Variants in ITPA observed in about 807,000 individuals in gnomAD.
ITPA encodes inosine triphosphate pyrophosphatase.
Under a neutral mutation model 29.6 loss-of-function variants are expected in ITPA, and 29 were observed. The observed-to-expected ratio is 0.98, with a 90% CI of 0.73 to 1.34. The LOEUF (loss-of-function observed/expected upper bound fraction) is 1.34. Ranked by LOEUF, ITPA falls within the 40% of genes most tolerant of loss-of-function variation. ITPA has a pLI of 0.00. For missense variants in ITPA, 241 were observed against 251.5 expected (o/e 0.96, Z 0.28); for synonymous variants, 103 against 99.3 (o/e 1.04, Z -0.22).
At chr20:3,208,955 T>A (rs1178858510), upstream of ITPA, 2 of 154,686 alleles carry the variant, frequency 1.3e-5, no homozygotes, top group Non-Finnish European at 1.4e-5. Flanking sequence ...GGAGAAGGGG[T>A]GATAGATTTG....
At chr20:3,204,382 C>T (rs752192344), upstream of ITPA, among the ~76,000 whole-genome samples, 6 of 152,102 alleles carry the variant, frequency 3.9e-5, no homozygotes, top group South Asian at 8.3e-4. Flanking sequence ...TAGGGCACTG[C>T]GGAAGCCCCA....
At chr20:3,220,611 T>C (rs1442101120) in intron 6 of ITPA, among the ~76,000 whole-genome samples, 1 of 151,946 alleles carries the variant, frequency 6.6e-6, no homozygotes, top group Non-Finnish European at 1.5e-5. Context: ...TGTAGTGGCA[T>C]GACTACCGTT....
intron 5 of ITPA, among the ~76,000 whole-genome samples, chr20:3,217,923 T>G (rs2067347626): frequency 1.4e-5 from 2 of 140,238 alleles, no homozygotes; most frequent in African/African-American, 5.1e-5. Context: ...TTTGTTTTTG[T>G]TTTTTCTTTC....
chr20:3,218,380 C>T, intron 5 of ITPA, 137 bp from the exon 6 acceptor site: 1 of 713,028 alleles, frequency 1.4e-6, no homozygotes, highest in South Asian at 1.5e-5. Context: ...TTGGGCTCTG[C>T]CGCCCCCGCT....
At chr20:3,212,028 A>C (rs937693652) in intron 1 of ITPA, among the ~76,000 whole-genome samples, 4 of 152,076 alleles carry the variant, frequency 2.6e-5, no homozygotes, top group Admixed American at 6.6e-5. Flanking sequence ...TCTACAAATA[A>C]TTAGCCTAAG....
Position 3,218,641 on chromosome 20 carries a change from C to G in ITPA, c.411+9C>G. 6.2e-7 allele frequency: 1 copy of G among 1,600,608 alleles called. No individual in the cohort carries two copies. The highest frequency in any genetic ancestry group is 8.6e-7 in the Non-Finnish European group (1 of 1,168,540). On this transcript the variant is annotated intron_variant, in intron 6 of 7. Transcript: ENST00000380113. ...TCAGGGGCCGGACCTCGGTGCGTAC[C>G]CACCTTGATGCAGTTCCCGCCGCGC...
At chr20:3,206,767 C>G (rs371580023), upstream of ITPA, among the ~76,000 whole-genome samples, 12 of 150,420 alleles carry the variant, frequency 8.0e-5, no homozygotes, top group East Asian at 9.9e-4. Flanking sequence ...GGAGGCGGAG[C>G]TTGCAGTGAG....
At position 3,218,625 on chromosome 20, in the gene ITPA, G is replaced by T; in HGVS notation, c.404G>T (p.Arg135Leu). Residue 135 changes from arginine to leucine, a missense_variant, in exon 6 of 8, where the codon CGG becomes CTG. Arg to Leu is a moderately radical substitution (Grantham distance 102). Transcript: ENST00000380113. ...CAGCCCGTGCGCCTGTTCAGGGGCC[G>T]GACCTCGGTGCGTACCCACCTTGAT... ...PSQPVRLFRG[R>L]TSGRIVAPRG... 1 of 1,610,656 alleles carries T rather than the reference G, an allele frequency of 6.2e-7. No homozygotes were observed. The highest frequency in any genetic ancestry group is 8.5e-7 in the Non-Finnish European group (1 of 1,177,354).
chr20:3,205,012 G>C (rs769062046), upstream of ITPA, among the ~76,000 whole-genome samples: 1 of 152,000 alleles, frequency 6.6e-6, no homozygotes, highest in African/African-American at 2.4e-5. Context: ...CACCACGCCC[G>C]GCTAATTTTT....
At chr20:3,208,089 A>C (rs532511952), upstream of ITPA, among the ~76,000 whole-genome samples, 1 of 152,068 alleles carries the variant, frequency 6.6e-6, no homozygotes, top group Non-Finnish European at 1.5e-5. Flanking sequence ...AATCACACAA[A>C]TGAATATCTA....
chr20:3,204,489 G>A (rs182122934), upstream of ITPA: 31 of 1,525,508 alleles, frequency 2.0e-5, no homozygotes, highest in African/African-American at 4.1e-5. Flanking sequence ...AGGCTCAGAA[G>A]GCCAGAAAAC....
At chr20:3,218,482 T>C (rs760366231) in intron 5 of ITPA, 35 bp from the exon 6 acceptor site, 1 of 1,453,846 alleles carries the variant, frequency 6.9e-7, no homozygotes, top group Admixed American at 1.7e-5. Flanking sequence ...AGTTGGCCAT[T>C]AGGGATGCAC....
At chr20:3,210,790 C>T (rs2067152501) in intron 1 of ITPA, among the ~76,000 whole-genome samples, 2 of 152,090 alleles carry the variant, frequency 1.3e-5, no homozygotes, top group Admixed American at 1.3e-4. Context: ...GTGCCTCACG[C>T]CTGTAATCCC....
chr20:3,220,290 T>C (rs2067430105), intron 6 of ITPA, among the ~76,000 whole-genome samples: 1 of 152,062 alleles, frequency 6.6e-6, no homozygotes, highest in South Asian at 2.1e-4. Flanking sequence ...ACTCCCGACC[T>C]TAAGTGATCC....
chr20:3,225,696 G>C (rs1026586527), downstream of ITPA, among the ~76,000 whole-genome samples: 1 of 152,014 alleles, frequency 6.6e-6, no homozygotes, highest in Non-Finnish European at 1.5e-5. Context: ...ATTCATCACT[G>C]GGAACTCCAT....
upstream of ITPA, chr20:3,204,547 C>G: frequency 6.4e-7 from 1 of 1,566,864 alleles, no homozygotes. Flanking sequence ...CTGATGCCGC[C>G]CGGCCCCGGC....
At chr20:3,215,216 C>T (rs2067266214) in intron 4 of ITPA, 65 bp from the exon 5 acceptor site, 2 of 1,532,808 alleles carry the variant, frequency 1.3e-6, no homozygotes, top group African/African-American at 1.4e-5. Flanking sequence ...AGGGAACAGC[C>T]TGGAAAAGGT....
At chr20:3,217,192 TA>T (rs781363908) in intron 5 of ITPA, among the ~76,000 whole-genome samples, 1 of 152,206 alleles carries the variant, frequency 6.6e-6, no homozygotes, top group Non-Finnish European at 1.5e-5. Context: ...TATGTGCTTT[TA>T]AAAACACTTT....
At chr20:3,214,871 G>T (rs370558321) in intron 4 of ITPA, among the ~76,000 whole-genome samples, 5 of 151,596 alleles carry the variant, frequency 3.3e-5, no homozygotes, top group Non-Finnish European at 7.4e-5. Context: ...GAGCCACCGC[G>T]CCCGGCCTGT....
Sources: gnomAD v4.1 joint callset for allele counts (sites outside exome capture counted in the v4.1 genomes callset) on GRCh38, gnomAD v4.1.1 for gene constraint, MANE v1.5 for transcripts, NCBI Gene and HGNC (gene_info 2026-07-23, HGNC 2026-07-21) for gene names.